Variants in CDKL1 observed in about 807,000 individuals in gnomAD.
CDKL1 encodes the protein cyclin-dependent kinase-like 1.
CDKL1 carries 41 observed loss-of-function variants against 42.0 expected under a neutral mutation model. The ratio of observed to expected loss-of-function variants is 0.98; its 90% confidence interval spans 0.76 to 1.27. The LOEUF (loss-of-function observed/expected upper bound fraction) is 1.27. Among genes scored for constraint, CDKL1 ranks in the 50% most tolerant of loss-of-function variants. The pLI, the probability that CDKL1 is intolerant of heterozygous loss-of-function variation, is 0.00. For missense variants in CDKL1, 394 were observed against 428.4 expected (o/e 0.92, Z 0.71); for synonymous variants, 153 against 158.6 (o/e 0.96, Z 0.26).
chr14:50,343,154 A>AATTTTTT, intron 4 of CDKL1: 1 of 265,286 alleles, frequency 3.8e-6, no homozygotes, highest in Non-Finnish European at 5.7e-6. Flanking sequence ...ATTAAGAGTT[A>AATTTTTT]CTTTTTTTTT....
At chr14:50,333,438 T>C (rs894329755) in intron 8 of CDKL1, 1 of 152,110 alleles carries the variant, frequency 6.6e-6, no homozygotes, top group African/African-American at 2.4e-5. Context: ...CAAATACCCA[T>C]AGCAATGCCC....
intron 3 of CDKL1, among the ~76,000 whole-genome samples, chr14:50,347,467 A>C (rs2033765786): frequency 6.6e-6 from 1 of 152,164 alleles, no homozygotes; most frequent in African/African-American, 2.4e-5. Flanking sequence ...AGTGGTGAGA[A>C]GTGGCCAGAT....
At chr14:50,348,616 C>T (rs2033803951) in intron 3 of CDKL1, among the ~76,000 whole-genome samples, 1 of 152,168 alleles carries the variant, frequency 6.6e-6, no homozygotes, top group Admixed American at 6.5e-5. Context: ...AGAGGGAAAG[C>T]TCTGAAGATT....
chr14:50,389,590 C>T (rs993210140), intron 2 of CDKL1, among the ~76,000 whole-genome samples: 2 of 152,094 alleles, frequency 1.3e-5, no homozygotes, highest in Non-Finnish European at 2.9e-5. Context: ...TTCAAATGGA[C>T]ATTTCCCCTC....
intron 4 of CDKL1, among the ~76,000 whole-genome samples, chr14:50,344,195 G>T (rs1473772873): frequency 6.6e-6 from 1 of 152,196 alleles, no homozygotes; most frequent in Non-Finnish European, 1.5e-5. Context: ...CTGTGGCCAG[G>T]AGTGTCACAG....
In CDKL1 at chr14:50,345,011, G is replaced by T; in HGVS notation, c.338C>A (p.Ala113Asp). ...VKSITWQTLQ[A>D]VNFCHKHNCI... Reference sequence around the variant, plus strand: ...ATTGTGTTTATGGCAAAAATTTACAGCTTGCAGTGTCTGCCAAGTTATGCT... The same window carrying T: ...ATTGTGTTTATGGCAAAAATTTACATCTTGCAGTGTCTGCCAAGTTATGCT... Residue 113 changes from alanine to aspartate, a missense_variant, in exon 4 of 10, where the codon GCT becomes GAT. Ala to Asp is a moderately radical substitution (Grantham distance 126, BLOSUM62 -2). Coordinates refer to ENST00000395834, the MANE Select transcript of CDKL1 (RefSeq NM_004196.7). The T allele has an allele frequency of 6.2e-7, 1 of 1,614,030 alleles. No homozygotes were observed. Among genetic ancestry groups the T allele is most frequent in the South Asian group, 1.1e-5 (1 of 91,068 alleles).
intron 7 of CDKL1, chr14:50,335,473 A>C (rs980254521): frequency 6.5e-7 from 1 of 1,536,046 alleles, no homozygotes; most frequent in African/African-American, 1.4e-5. Context: ...CTGTTTAAAC[A>C]GTCTCCTGTG....
At position 50,332,243 on chromosome 14, in the gene CDKL1, G is replaced by A. The variant is rs773617966; in HGVS notation, c.966+19C>T. On this transcript the variant is annotated intron_variant, in intron 9 of 9. Transcript: ENST00000395834. ...TCTCTGTACCAGGTGGCAGGTAGGA[G>A]ATCATTTCAAATTATAACCTTGGAT... is the stretch of plus-strand genomic sequence containing the variant. 1.2e-6 allele frequency: 2 copies of A among 1,614,186 alleles called. No individual in the cohort carries two copies.
chr14:50,360,841 CT>C (rs1159334719), intron 2 of CDKL1, among the ~76,000 whole-genome samples: 1 of 150,302 alleles, frequency 6.7e-6, no homozygotes, highest in East Asian at 1.9e-4. Flanking sequence ...GCTTAGTTCA[CT>C]TAACGTTATG....
intron 2 of CDKL1, chr14:50,362,929 C>T (rs760148854): frequency 4.3e-6 from 2 of 461,284 alleles, no homozygotes; most frequent in Non-Finnish European, 4.5e-6. Context: ...TGTTCTTTCA[C>T]TCTTTGCAAT....
chr14:50,366,764 G>C (rs2034447925), intron 2 of CDKL1, among the ~76,000 whole-genome samples: 1 of 151,032 alleles, frequency 6.6e-6, no homozygotes, highest in East Asian at 1.9e-4. Flanking sequence ...GGACAGGGGA[G>C]AAGGAAGTGT....
At chr14:50,339,409 T>G (rs764430670) in intron 6 of CDKL1, among the ~76,000 whole-genome samples, 2 of 151,928 alleles carry the variant, frequency 1.3e-5, no homozygotes, top group Non-Finnish European at 2.9e-5. Context: ...AAAATCATAT[T>G]AACTGAATCC....
chr14:50,352,168 G>A (rs944330851), intron 3 of CDKL1, among the ~76,000 whole-genome samples: 13 of 152,004 alleles, frequency 8.6e-5, no homozygotes, highest in Admixed American at 2.0e-4. Flanking sequence ...GTCTGGTTTT[G>A]GCATCAGCAT....
At chr14:50,359,438 C>T (rs777100216) in intron 2 of CDKL1, among the ~76,000 whole-genome samples, 12 of 152,016 alleles carry the variant, frequency 7.9e-5, no homozygotes, top group Non-Finnish European at 1.3e-4. Flanking sequence ...ACTCAGCTTT[C>T]AAGATTCAGA....
chr14:50,389,145 G>A (rs2035178132), intron 2 of CDKL1, among the ~76,000 whole-genome samples: 1 of 146,016 alleles, frequency 6.8e-6, no homozygotes, highest in African/African-American at 2.5e-5. Flanking sequence ...GAAAACTGAA[G>A]TCTCTAACTG....
chr14:50,339,150 C>T (rs1007129121), intron 6 of CDKL1, 121 bp from the exon 7 acceptor site: 2 of 720,638 alleles, frequency 2.8e-6, no homozygotes, highest in African/African-American at 3.5e-5. Flanking sequence ...TGTTCTTGGG[C>T]AATCAGAAGG....
intron 7 of CDKL1, chr14:50,335,342 A>G (rs371136230): frequency 1.0e-5 from 6 of 601,128 alleles, no homozygotes; most frequent in African/African-American, 7.6e-5. Flanking sequence ...TTCTAATTAT[A>G]TAAAGGGAGC....
chr14:50,379,854 C>G (rs192842955), intron 2 of CDKL1, among the ~76,000 whole-genome samples: 56 of 152,316 alleles, frequency 3.7e-4, no homozygotes, highest in African/African-American at 1.3e-3. Context: ...GTATTCCTCA[C>G]TTTTCAAAGG....
At chr14:50,369,163 G>A (rs568445344) in intron 2 of CDKL1, among the ~76,000 whole-genome samples, 69 of 152,146 alleles carry the variant, frequency 4.5e-4, no homozygotes, top group African/African-American at 1.3e-3. Flanking sequence ...CACCACGCCC[G>A]GCCGCTACCC....
Sources: allele counts gnomAD v4.1 joint callset (sites outside exome capture counted in the v4.1 genomes callset), GRCh38; gene constraint gnomAD v4.1.1; transcripts MANE v1.5; gene names NCBI Gene and HGNC (gene_info 2026-07-23, HGNC 2026-07-21).